Variants in CTNND2 observed in about 807,000 individuals in gnomAD.
CTNND2 encodes the protein catenin delta-2.
A neutral mutation model predicts 144.4 loss-of-function variants in CTNND2; 22 were observed. The observed-to-expected ratio is 0.15, with a 90% CI of 0.11 to 0.22. The LOEUF (loss-of-function observed/expected upper bound fraction) is 0.22. Ranked by LOEUF, CTNND2 falls within the 10% of genes least tolerant of loss-of-function variation. The pLI is 1.00. For missense variants in CTNND2, 1,353 were observed against 1,618.8 expected, an observed-to-expected ratio of 0.84 and a Z score of 2.82; for synonymous variants, 751 against 695.6, an observed-to-expected ratio of 1.08 and a Z score of -1.25.
intron 10 of CTNND2, among the ~76,000 whole-genome samples, chr5:11,216,162 C>T (rs1200942331): frequency 2.0e-5 from 3 of 152,130 alleles, no homozygotes; most frequent in African/African-American, 4.8e-5. Context: ...TGCAGGGTTC[C>T]TCTAAGAGCT....
At chr5:11,259,194 C>T (rs1744594836) in intron 9 of CTNND2, among the ~76,000 whole-genome samples, 1 of 152,140 alleles carries the variant, frequency 6.6e-6, no homozygotes, top group Admixed American at 6.5e-5. Flanking sequence ...GATGGTCTGC[C>T]CTGCAGATTT....
intron 9 of CTNND2, among the ~76,000 whole-genome samples, chr5:11,238,200 C>T (rs977714317): frequency 6.6e-6 from 1 of 152,174 alleles, no homozygotes; most frequent in African/African-American, 2.4e-5. Context: ...AATTCTATCC[C>T]TGCAGCAGGG....
chr5:11,310,719 G>A (rs1231509147), intron 9 of CTNND2, among the ~76,000 whole-genome samples: 1 of 151,600 alleles, frequency 6.6e-6, no homozygotes, highest in Non-Finnish European at 1.5e-5. Context: ...CCTCCTCCCT[G>A]TGAGACATTC....
intron 3 of CTNND2, among the ~76,000 whole-genome samples, chr5:11,420,146 A>C (rs1359172218): frequency 6.6e-6 from 1 of 151,990 alleles, no homozygotes; most frequent in Non-Finnish European, 1.5e-5. Context: ...ACACAGTGAA[A>C]CCCCATCTCT....
chr5:11,473,016 G>A (rs1326970057), intron 3 of CTNND2, among the ~76,000 whole-genome samples: 1 of 152,018 alleles, frequency 6.6e-6, no homozygotes, highest in African/African-American at 2.4e-5. Flanking sequence ...GTTGCAGTGA[G>A]CCGAGATCGT....
chr5:11,411,783 C>A, intron 4 of CTNND2, 131 bp from the exon 5 acceptor site: 1 of 724,648 alleles, frequency 1.4e-6, no homozygotes, highest in Non-Finnish European at 2.2e-6. Flanking sequence ...TTAGCTATTC[C>A]ATTTTAATTT....
At chr5:11,158,236 T>G (rs1560943295) in intron 12 of CTNND2, among the ~76,000 whole-genome samples, 1 of 152,132 alleles carries the variant, frequency 6.6e-6, no homozygotes, top group Non-Finnish European at 1.5e-5. Flanking sequence ...TTTTAAATAG[T>G]TGTGAATAAG....
At chr5:11,311,656 CCTCAA>C (rs1313193063) in intron 9 of CTNND2, among the ~76,000 whole-genome samples, 1 of 145,606 alleles carries the variant, frequency 6.9e-6, no homozygotes, top group Non-Finnish European at 1.5e-5. Context: ...CCCGATATAC[CCTCAA>C]CTCATGTACA....
intron 1 of CTNND2, among the ~76,000 whole-genome samples, chr5:11,843,210 C>T (rs1204838270): frequency 6.6e-6 from 1 of 152,184 alleles, no homozygotes. Flanking sequence ...GAAAACCAAA[C>T]TACCTATCAA....
intron 15 of CTNND2, among the ~76,000 whole-genome samples, chr5:11,092,877 T>G (rs933684925): frequency 6.6e-6 from 1 of 152,208 alleles, no homozygotes; most frequent in Admixed American, 6.5e-5. Context: ...TAATCTGCCC[T>G]GGTTCACTTT....
intron 2 of CTNND2, among the ~76,000 whole-genome samples, chr5:11,580,215 TA>T (rs1199959077): frequency 6.6e-6 from 1 of 152,190 alleles, no homozygotes; most frequent in Non-Finnish European, 1.5e-5. Context: ...ACCATTATTA[TA>T]ACTGTTATTT....
chr5:11,896,475 T>A (rs1737401783), intron 1 of CTNND2, among the ~76,000 whole-genome samples: 1 of 152,174 alleles, frequency 6.6e-6, no homozygotes, highest in African/African-American at 2.4e-5. Context: ...CGAGAAAATG[T>A]AAGTATGGCT....
In CTNND2 at chr5:11,695,251, T is replaced by C. The variant is rs1013616439; in HGVS notation, c.174+36885A>G. Among the ~76,000 whole-genome samples, 15 of 152,316 alleles carry C rather than the reference T, an allele frequency of 9.8e-5. 1 individual carries two copies. The highest frequency in any genetic ancestry group is 2.0e-4 in the Admixed American group (3 of 15,298). ...AAATGCTGATTTTTGTCATATCTTG[T>C]CACATTGCTTATTGTTCAAGACAAG... On this transcript the variant is annotated intron_variant, in intron 2 of 21. Transcript: ENST00000304623.
chr5:11,672,693 A>T (rs999920129), intron 2 of CTNND2, among the ~76,000 whole-genome samples: 3 of 152,044 alleles, frequency 2.0e-5, no homozygotes, highest in Non-Finnish European at 4.4e-5. Flanking sequence ...AAGCCAGTGG[A>T]TCTTAGCTTG....
At chr5:11,775,061 C>T (rs1172689114) in intron 1 of CTNND2, among the ~76,000 whole-genome samples, 4 of 151,936 alleles carry the variant, frequency 2.6e-5, no homozygotes, top group African/African-American at 7.3e-5. Context: ...GGCGGGGGGG[C>T]GGTGCGGGCA....
At chr5:11,893,980 C>A (rs1023212332) in intron 1 of CTNND2, among the ~76,000 whole-genome samples, 2 of 152,276 alleles carry the variant, frequency 1.3e-5, no homozygotes, top group Admixed American at 1.3e-4. Flanking sequence ...AACTTGACTT[C>A]TTTACTTCCT....
At chr5:11,749,059 T>C (rs1390846063) in intron 1 of CTNND2, among the ~76,000 whole-genome samples, 3 of 152,032 alleles carry the variant, frequency 2.0e-5, no homozygotes, top group South Asian at 2.1e-4. Flanking sequence ...AACTAAAGCC[T>C]CCTACCAACA....
At chr5:11,005,021 C>A (rs1740335664) in intron 18 of CTNND2, among the ~76,000 whole-genome samples, 1 of 152,192 alleles carries the variant, frequency 6.6e-6, no homozygotes, top group South Asian at 2.1e-4. Context: ...GCTGTAAGAG[C>A]CATGAAGGAA....
intron 1 of CTNND2, among the ~76,000 whole-genome samples, chr5:11,843,503 T>A (rs1193448067): frequency 6.6e-6 from 1 of 152,154 alleles, no homozygotes; most frequent in Admixed American, 6.5e-5. Context: ...ATCATCAGTA[T>A]CACAGGAGGA....
Sources: gnomAD v4.1 joint callset for allele counts (sites outside exome capture counted in the v4.1 genomes callset) on GRCh38, gnomAD v4.1.1 for gene constraint, MANE v1.5 for transcripts, NCBI Gene and HGNC (gene_info 2026-07-23, HGNC 2026-07-21) for gene names.